The following SNTG1 variants were observed in gnomAD, a reference collection of about 807,000 sequenced individuals.
The protein encoded by SNTG1 is syntrophin gamma 1.
SNTG1 carries 39 observed loss-of-function variants against 74.7 expected under a neutral mutation model. The ratio of observed to expected loss-of-function variants is 0.52; its 90% CI spans 0.40 to 0.68. SNTG1 has a LOEUF of 0.68. Among genes scored for constraint, SNTG1 ranks in the 30% least tolerant of loss-of-function variants. The pLI, the probability that SNTG1 is intolerant of heterozygous loss-of-function variation, is 0.00. For missense variants in SNTG1, 685 were observed against 609.5 expected (o/e 1.12, Z -1.30); for synonymous variants, 254 against 217.1 (o/e 1.17, Z -1.49).
In SNTG1 at chr8:50,566,709, C is replaced by CTGTTTTGTTTTGTTT. The variant is rs369656490; in HGVS notation, c.810+13537_810+13551dup. Among the ~76,000 whole-genome samples the CTGTTTTGTTTTGTTT allele has an allele frequency of 1.1e-3, 160 of 151,922 alleles. 1 individual carries two copies. The highest frequency in any genetic ancestry group is 1.4e-3 in the Non-Finnish European group (97 of 67,870). Reference sequence around the variant, plus strand: ...TAATCAATCAAGGGAGCAAAGTCTACTGTTTTGTTTTGTTTTGTTTTTCAG... The same window carrying CTGTTTTGTTTTGTTT: ...TAATCAATCAAGGGAGCAAAGTCTACTGTTTTGTTTTGTTTTGTTTTGTTTTGTTTTGTTTTTCAG... On this transcript the variant is annotated intron_variant, in intron 12 of 18. Coordinates refer to ENST00000642720, the MANE Select transcript of SNTG1 (RefSeq NM_018967.5).
chr8:50,217,454 T>C (rs1278356351), intron 2 of SNTG1, among the ~76,000 whole-genome samples: 2 of 152,144 alleles, frequency 1.3e-5, no homozygotes, highest in African/African-American at 4.8e-5. Flanking sequence ...CTATTTGTAC[T>C]CTTACTTAGC....
chr8:50,652,419 A>C (rs1205922548), intron 13 of SNTG1, among the ~76,000 whole-genome samples: 1 of 152,140 alleles, frequency 6.6e-6, no homozygotes, highest in African/African-American at 2.4e-5. Flanking sequence ...TATTCAATGA[A>C]TTGTGCTAAA....
intron 1 of SNTG1, among the ~76,000 whole-genome samples, chr8:50,133,532 A>G (rs1323409621): frequency 6.6e-6 from 1 of 152,106 alleles, no homozygotes; most frequent in African/African-American, 2.4e-5. Flanking sequence ...TATTTTCTCA[A>G]AGTTCTTAAG....
intron 2 of SNTG1, among the ~76,000 whole-genome samples, chr8:50,280,609 T>C (rs1359788036): frequency 6.6e-6 from 1 of 152,100 alleles, no homozygotes; most frequent in African/African-American, 2.4e-5. Context: ...GTGGGACAAC[T>C]TGAAGAGGGG....
chr8:49,987,053 T>A (rs958056903), intron 1 of SNTG1, among the ~76,000 whole-genome samples: 3 of 152,196 alleles, frequency 2.0e-5, no homozygotes, highest in Non-Finnish European at 4.4e-5. Context: ...AGGTTATGTT[T>A]GGAAAAGTAT....
intron 17 of SNTG1, among the ~76,000 whole-genome samples, chr8:50,741,606 C>T (rs2095543620): frequency 6.6e-6 from 1 of 151,964 alleles, no homozygotes; most frequent in African/African-American, 2.4e-5. Flanking sequence ...TTCATAATTG[C>T]CCAAACATGG....
intron 1 of SNTG1, among the ~76,000 whole-genome samples, chr8:49,999,853 A>G (rs1814584419): frequency 6.6e-6 from 1 of 151,834 alleles, no homozygotes; most frequent in Admixed American, 6.6e-5. Flanking sequence ...ACCTAACTTC[A>G]TTTGCCTCTG....
intron 17 of SNTG1, among the ~76,000 whole-genome samples, chr8:50,718,797 G>C (rs1361034956): frequency 6.6e-6 from 1 of 152,164 alleles, no homozygotes; most frequent in African/African-American, 2.4e-5. Context: ...GTGAAGAATA[G>C]TGTGGCCTCA....
chr8:50,605,130 C>T (rs903707673), intron 13 of SNTG1, among the ~76,000 whole-genome samples: 1 of 152,186 alleles, frequency 6.6e-6, no homozygotes, highest in Non-Finnish European at 1.5e-5. Flanking sequence ...AGACAAAGTC[C>T]TGTTTACTCT....
chr8:50,266,759 C>A, intron 2 of SNTG1, among the ~76,000 whole-genome samples: 1 of 147,682 alleles, frequency 6.8e-6, no homozygotes, highest in Admixed American at 6.8e-5. Flanking sequence ...CTTAAGCTAA[C>A]CAAAAAAAGC....
chr8:49,990,271 C>A (rs1813554531), intron 1 of SNTG1, among the ~76,000 whole-genome samples: 1 of 151,732 alleles, frequency 6.6e-6, no homozygotes, highest in Non-Finnish European at 1.5e-5. Flanking sequence ...GAAAATGGAA[C>A]TAAGAAAAAC....
intron 2 of SNTG1, chr8:50,381,051 T>C (rs1408204841): frequency 6.6e-6 from 1 of 152,158 alleles, no homozygotes; most frequent in Non-Finnish European, 1.5e-5. Context: ...GAGCTGTCCA[T>C]GGAGATTCTA....
intron 8 of SNTG1, among the ~76,000 whole-genome samples, chr8:50,478,440 A>C (rs2093713676): frequency 6.6e-6 from 1 of 152,304 alleles, no homozygotes; most frequent in East Asian, 1.9e-4. Context: ...ATAAGCTAAA[A>C]GTTCCTTCTT....
At position 50,172,383 on chromosome 8, in the gene SNTG1, A is replaced by G. The variant is rs553113234; in HGVS notation, c.-102-178A>G. On this transcript the variant is annotated intron_variant, in intron 1 of 18. Coordinates refer to ENST00000642720, the MANE Select transcript of SNTG1 (RefSeq NM_018967.5). ...CTCATTTGGTCTCTAGATAATTTAC[A>G]GGGATTTGAGCTATTCCTAGAAATT... Among the ~76,000 whole-genome samples the G allele has an allele frequency of 3.3e-5, 5 of 152,326 alleles. No individual in the cohort carries two copies. In the South Asian group the frequency reaches 1.0e-3, roughly 32 times the overall value.
At chr8:50,570,585 A>ATTGTTGTTGTTG (rs151244285) in intron 12 of SNTG1, among the ~76,000 whole-genome samples, 4 of 127,120 alleles carry the variant, frequency 3.1e-5, no homozygotes, top group Admixed American at 8.2e-5. Flanking sequence ...TATTATTATT[A>ATTGTTGTTGTTG]TTGTTGTTAT....
At chr8:49,965,130 A>T (rs1811028104) in intron 1 of SNTG1, among the ~76,000 whole-genome samples, 1 of 152,064 alleles carries the variant, frequency 6.6e-6, no homozygotes, top group Non-Finnish European at 1.5e-5. Context: ...CTCGTCTATT[A>T]AATTGGCATG....
rs187155497 is a variant in SNTG1, at chr8:50,606,438, G to T, written c.849+15521G>T. Among the ~76,000 whole-genome samples the T allele has an allele frequency of 2.0e-3, 305 of 151,906 alleles. 1 individual carries two copies. Among genetic ancestry groups the T allele is most frequent in the Admixed American group, 4.4e-3 (67 of 15,254 alleles). Reference sequence around the variant, plus strand: ...ATGTTAATATAAATGACAAATTTTTGATTTTTATATTGATTTAGTTTCCTG... The same window carrying T: ...ATGTTAATATAAATGACAAATTTTTTATTTTTATATTGATTTAGTTTCCTG... On this transcript the variant is annotated intron_variant, in intron 13 of 18. Transcript: ENST00000642720.
At chr8:50,359,869 T>C (rs1169688859) in intron 2 of SNTG1, among the ~76,000 whole-genome samples, 3 of 152,228 alleles carry the variant, frequency 2.0e-5, no homozygotes, top group Non-Finnish European at 2.9e-5. Context: ...TTTTCCATTC[T>C]CTTTTTATTT....
intron 13 of SNTG1, among the ~76,000 whole-genome samples, chr8:50,611,716 A>G (rs1323654074): frequency 1.3e-5 from 2 of 152,130 alleles, no homozygotes; most frequent in Admixed American, 6.5e-5. Flanking sequence ...GGAGTCCAAG[A>G]GTTTCAGTTT....
Sources: gnomAD v4.1 joint callset for allele counts (sites outside exome capture counted in the v4.1 genomes callset) on GRCh38, gnomAD v4.1.1 for gene constraint, MANE v1.5 for transcripts, NCBI Gene and HGNC (gene_info 2026-07-23, HGNC 2026-07-21) for gene names.